SHROOM4: variants seen among roughly 807,000 people sequenced by gnomAD.
The protein encoded by SHROOM4 is protein Shroom4.
In SHROOM4, 17 loss-of-function variants were observed where a neutral mutation model predicts 80.3. That is an observed-to-expected ratio of 0.21 (90% CI 0.14 to 0.32). The LOEUF is 0.32. Ranked by LOEUF, SHROOM4 falls within the 10% of genes least tolerant of loss-of-function variation. SHROOM4 has a pLI of 1.00. For synonymous variants in SHROOM4, 400 were observed against 437.5 expected, an observed-to-expected ratio of 0.91 and a Z score of 1.07; for missense variants, 993 against 1,140.3, an observed-to-expected ratio of 0.87 and a Z score of 1.86.
At chrX:50,701,252 G>A (rs978801052) in intron 1 of SHROOM4, among the ~76,000 whole-genome samples, 3 of 111,896 alleles carry the variant, frequency 2.7e-5, no homozygotes, top group Non-Finnish European at 5.6e-5. Flanking sequence ...GGAATTTGGT[G>A]GTGAGGACAG....
intron 1 of SHROOM4, among the ~76,000 whole-genome samples, chrX:50,797,956 T>C (rs782728694): frequency 1.3e-4 from 15 of 111,257 alleles, no homozygotes; most frequent in African/African-American, 4.9e-4. Flanking sequence ...TTATATAGTT[T>C]TAAAAATTTT....
chrX:50,652,271 C>G (rs1412889244), intron 2 of SHROOM4, among the ~76,000 whole-genome samples: 1 of 112,078 alleles, frequency 8.9e-6, no homozygotes, highest in Non-Finnish European at 1.9e-5. Context: ...TAATGATTGC[C>G]ATTCTAACTG....
intron 1 of SHROOM4, among the ~76,000 whole-genome samples, chrX:50,789,283 G>A (rs1356724770): frequency 9.0e-6 from 1 of 111,200 alleles, no homozygotes; most frequent in Non-Finnish European, 1.9e-5. Flanking sequence ...GAAGAAGATT[G>A]AAATCATACC....
intron 2 of SHROOM4, among the ~76,000 whole-genome samples, chrX:50,660,903 C>T (rs1478329202): frequency 3.6e-5 from 4 of 110,183 alleles, no homozygotes; most frequent in Non-Finnish European, 7.6e-5. Context: ...AGGCATGAGA[C>T]ACTGTGCCAA....
rs1399744751 is a variant in SHROOM4 at position 50,638,306 on chromosome X, C to G, written c.272G>C (p.Arg91Thr). 8.3e-7 allele frequency: 1 copy of G among 1,210,371 alleles called. No individual in the cohort carries two copies. The highest frequency in any genetic ancestry group is 1.1e-6 in the Non-Finnish European group (1 of 895,203). Residue 91 changes from arginine (R) to threonine (T), a missense_variant and splice_region_variant, in exon 3 of 9, where the codon AGG (arginine) becomes ACG (threonine). Arg to Thr is a moderately conservative substitution (Grantham distance 71). Coordinates refer to ENST00000376020, the MANE Select transcript of SHROOM4 (RefSeq NM_020717.5). ...GTGCGGCCTACTGACAGGGGCGTTCCTCCTACAGCAAGAAAGGGACAGGAA... is the reference window on the plus strand; with the variant it reads ...GTGCGGCCTACTGACAGGGGCGTTCGTCCTACAGCAAGAAAGGGACAGGAA... ...FRILKLIVRRRNAPVSRPHSW... is the reference protein window; with the variant it reads ...FRILKLIVRRTNAPVSRPHSW...
intron 1 of SHROOM4, among the ~76,000 whole-genome samples, chrX:50,739,551 C>T (rs1934596078): frequency 9.0e-6 from 1 of 111,569 alleles, no homozygotes. Context: ...GAAAAGAAGA[C>T]ATTTATGCAG....
chrX:50,657,971 G>A (rs1344537658), intron 2 of SHROOM4, among the ~76,000 whole-genome samples: 2 of 111,999 alleles, frequency 1.8e-5, no homozygotes, highest in Non-Finnish European at 3.8e-5. Context: ...GATGGTATTA[G>A]TGCCCTTATA....
At chrX:50,697,776 T>A (rs1557263196) in intron 1 of SHROOM4, among the ~76,000 whole-genome samples, 1 of 111,514 alleles carries the variant, frequency 9.0e-6, no homozygotes, top group Non-Finnish European at 1.9e-5. Flanking sequence ...TACTTCACAG[T>A]CACTGCTGCC....
rs191616115 is a variant in SHROOM4 at position 50,802,329 on chromosome X, G to A, written c.117+11573C>T. ...AATGCTTTGTTGTTTTAACTGATCA[G>A]TGGCTTTAAATAAACATGCTCCCCA... is the stretch of plus-strand genomic sequence containing the variant. On this transcript the variant is annotated intron_variant, in intron 1 of 8. Coordinates refer to ENST00000376020, the MANE Select transcript of SHROOM4 (RefSeq NM_020717.5). Among the ~76,000 whole-genome samples, 240 of 111,861 alleles carry A rather than the reference G, an allele frequency of 2.1e-3. 3 individuals are homozygous for A. The highest frequency in any genetic ancestry group is 6.9e-3 in the African/African-American group (212 of 30,779).
At chrX:50,620,717 A>G (rs935833496) in intron 5 of SHROOM4, among the ~76,000 whole-genome samples, 1 of 111,847 alleles carries the variant, frequency 8.9e-6, no homozygotes, top group African/African-American at 3.3e-5. Context: ...TAAGCAGATT[A>G]TGATGCCTTG....
intron 1 of SHROOM4, among the ~76,000 whole-genome samples, chrX:50,705,308 C>T (rs183285113): frequency 1.6e-4 from 18 of 111,199 alleles, no homozygotes; most frequent in East Asian, 1.1e-3. Context: ...GTGTTAGTGG[C>T]GGGAAGGGAC....
At position 50,592,131 on chromosome X, in the gene SHROOM4, G is replaced by A. The variant is rs1241845780; in HGVS notation, c.*4564C>T. 1 of 328,249 alleles carries A rather than the reference G, an allele frequency of 3.0e-6. No individual in the cohort carries two copies. The highest frequency in any genetic ancestry group is 5.9e-6 in the Non-Finnish European group (1 of 169,891). 27.1% of individuals were successfully genotyped at this position (328,249 alleles called of 1,213,427 possible). A position where few individuals can be genotyped will look rare whatever the true frequency, so the allele number is the denominator to read the frequency against. ...CAGGTAGTTGTGAGCAACACGAGAAGAGCAAGAATATGCCTGGGATAAGGA... is the reference window on the plus strand; with the variant it reads ...CAGGTAGTTGTGAGCAACACGAGAAAAGCAAGAATATGCCTGGGATAAGGA... On this transcript the variant is annotated 3_prime_UTR_variant, in exon 9 of 9. Coordinates refer to ENST00000376020, the MANE Select transcript of SHROOM4 (RefSeq NM_020717.5).
intron 5 of SHROOM4, among the ~76,000 whole-genome samples, chrX:50,609,420 T>C (rs1929847600): frequency 9.0e-6 from 1 of 110,987 alleles, no homozygotes; most frequent in African/African-American, 3.3e-5. Context: ...AGGGGGTAAG[T>C]AAGGGATAAA....
At chrX:50,700,791 C>T (rs1933495767) in intron 1 of SHROOM4, among the ~76,000 whole-genome samples, 2 of 112,170 alleles carry the variant, frequency 1.8e-5, no homozygotes, top group Non-Finnish European at 3.8e-5. Context: ...ACCAGTTTTC[C>T]AAAAGGCAAA....
Position 50,776,466 on chromosome X carries a change from G to A in SHROOM4, c.117+37436C>T, listed in dbSNP as rs563437566. Among the ~76,000 whole-genome samples the A allele has an allele frequency of 8.1e-5, 9 of 110,771 alleles. No individual in the cohort carries two copies. In the East Asian group the frequency reaches 2.3e-3, roughly 28 times the overall value. ...AATCTACATATAAATAACACTATCTGCAATTCACAGATGAAGAATGAGGGT... is the reference window on the plus strand; with the variant it reads ...AATCTACATATAAATAACACTATCTACAATTCACAGATGAAGAATGAGGGT... On this transcript the variant is annotated intron_variant, in intron 1 of 8. Transcript: ENST00000376020.
At chrX:50,600,583 T>A (rs782314965) in intron 7 of SHROOM4, among the ~76,000 whole-genome samples, 11 of 111,925 alleles carry the variant, frequency 9.8e-5, no homozygotes, top group Non-Finnish European at 2.1e-4. Context: ...TCAGTGTATG[T>A]TTTAATCTTA....
chrX:50,799,370 T>C (rs1276448325), intron 1 of SHROOM4, among the ~76,000 whole-genome samples: 1 of 112,004 alleles, frequency 8.9e-6, no homozygotes, highest in Non-Finnish European at 1.9e-5. Context: ...AGAAGCCCTA[T>C]AGTGTGTCTT....
At position 50,602,653 on chromosome X, in the gene SHROOM4, G is replaced by T; in HGVS notation, c.3922C>A (p.His1308Asn). Residue 1308 changes from histidine (H) to asparagine (N), a missense_variant, in exon 7 of 9, where the codon CAT becomes AAT. Coordinates refer to ENST00000376020, the MANE Select transcript of SHROOM4 (RefSeq NM_020717.5). Reference protein sequence around the residue: ...EIGLGEEEVDHELAQKKIQLI... With the variant: ...EIGLGEEEVDNELAQKKIQLI... ...TTTACCTTTTTTTGAGCCAGTTCAT[G>T]GTCAACTTCCTCCTCTCCTAGGCCA... is the stretch of plus-strand genomic sequence containing the variant. 8.3e-7 allele frequency: 1 copy of T among 1,211,383 alleles called. No homozygotes were observed. Among genetic ancestry groups the T allele is most frequent in the Non-Finnish European group, 1.1e-6 (1 of 895,383 alleles).
intron 5 of SHROOM4, among the ~76,000 whole-genome samples, chrX:50,627,246 A>T (rs1400325057): frequency 9.0e-6 from 1 of 111,698 alleles, no homozygotes; most frequent in African/African-American, 3.3e-5. Flanking sequence ...ATGGTGGAGG[A>T]GGTTCCATTT....
Sources: gnomAD v4.1 joint callset for allele counts (sites outside exome capture counted in the v4.1 genomes callset) on GRCh38, gnomAD v4.1.1 for gene constraint, MANE v1.5 for transcripts, NCBI Gene and HGNC (gene_info 2026-07-23, HGNC 2026-07-21) for gene names.